Variants in DLG2 observed in about 807,000 individuals in gnomAD.
DLG2 encodes discs large MAGUK scaffold protein 2.
A neutral mutation model predicts 132.5 loss-of-function variants in DLG2; 45 were observed. That is an observed-to-expected ratio of 0.34 (90% confidence interval 0.27 to 0.44). The LOEUF (loss-of-function observed/expected upper bound fraction) is 0.44, where lower values mean the gene tolerates loss of function less well. DLG2 is among the 20% of genes least tolerant of loss of function. DLG2 has a pLI of 1.00. For synonymous variants in DLG2, 424 were observed against 419.6 expected, an observed-to-expected ratio of 1.01 and a Z score of -0.13; for missense variants, 1,045 against 1,196.9, an observed-to-expected ratio of 0.87 and a Z score of 1.87.
intron 15 of DLG2, among the ~76,000 whole-genome samples, chr11:83,899,782 C>T (rs1022859720): frequency 3.3e-5 from 5 of 152,112 alleles, no homozygotes; most frequent in African/African-American, 9.7e-5. Context: ...TGAACTAATA[C>T]AGCAAATTGG....
chr11:84,560,836 G>C (rs1368968086), intron 6 of DLG2, among the ~76,000 whole-genome samples: 1 of 151,992 alleles, frequency 6.6e-6, no homozygotes, highest in Non-Finnish European at 1.5e-5. Context: ...CTAATAAATT[G>C]ATATTTTGGA....
chr11:84,616,977 C>A (rs10160778), intron 6 of DLG2, among the ~76,000 whole-genome samples: 21,276 of 149,618 alleles, frequency 0.14, 1,737 homozygotes, highest in African/African-American at 0.23. Flanking sequence ...CTCCTCTCTT[C>A]CCTTTCTTTT....
intron 9 of DLG2, among the ~76,000 whole-genome samples, chr11:84,149,955 A>T (rs1314230546): frequency 6.6e-6 from 1 of 152,012 alleles, no homozygotes; most frequent in Admixed American, 6.6e-5. Flanking sequence ...ATGGGGTTTC[A>T]CTATATTGGT....
chr11:84,112,928 A>G (rs1037647197), intron 9 of DLG2, among the ~76,000 whole-genome samples: 1 of 152,222 alleles, frequency 6.6e-6, no homozygotes, highest in Non-Finnish European at 1.5e-5. Flanking sequence ...CTTCACCAGA[A>G]CAAACGGAAC....
At chr11:84,550,943 C>T (rs1013861994) in intron 6 of DLG2, among the ~76,000 whole-genome samples, 1 of 152,126 alleles carries the variant, frequency 6.6e-6, no homozygotes. Flanking sequence ...CAGTTATGAA[C>T]AGCTGTCCTT....
At chr11:84,736,083 A>C (rs2063792393) in intron 6 of DLG2, among the ~76,000 whole-genome samples, 1 of 151,900 alleles carries the variant, frequency 6.6e-6, no homozygotes, top group African/African-American at 2.4e-5. Context: ...ATATGATATG[A>C]GGTATGGATC....
intron 6 of DLG2, among the ~76,000 whole-genome samples, chr11:84,952,826 C>G (rs2051140437): frequency 6.6e-6 from 1 of 152,162 alleles, no homozygotes; most frequent in Admixed American, 6.5e-5. Flanking sequence ...AACCCAATAC[C>G]AATTCAGACC....
chr11:84,228,123 C>G (rs1461821684), intron 8 of DLG2, among the ~76,000 whole-genome samples: 2 of 152,120 alleles, frequency 1.3e-5, no homozygotes, highest in African/African-American at 2.4e-5. Flanking sequence ...ACATGATGGA[C>G]TCTCTTATTT....
intron 5 of DLG2, among the ~76,000 whole-genome samples, chr11:85,123,593 T>C (rs2074702987): frequency 6.6e-6 from 1 of 152,236 alleles, no homozygotes; most frequent in Admixed American, 6.5e-5. Context: ...GTAGGAGAAC[T>C]GTTTATGCTT....
intron 6 of DLG2, among the ~76,000 whole-genome samples, chr11:84,711,009 G>GATATATATATAT (rs367922564): frequency 7.9e-5 from 7 of 89,092 alleles, no homozygotes; most frequent in African/African-American, 3.3e-4. Context: ...TATATATATA[G>GATATATATATAT]ATATATATAT....
At chr11:85,264,624 C>G (rs908798244) in intron 4 of DLG2, among the ~76,000 whole-genome samples, 2 of 151,990 alleles carry the variant, frequency 1.3e-5, no homozygotes, top group African/African-American at 4.8e-5. Flanking sequence ...GAATGGGGTA[C>G]CATTTTACCT....
chr11:84,984,287 C>T (rs1328493899), intron 6 of DLG2, among the ~76,000 whole-genome samples: 1 of 152,138 alleles, frequency 6.6e-6, no homozygotes, highest in African/African-American at 2.4e-5. Context: ...GATTTCTATG[C>T]AGAAACTCTA....
chr11:83,648,843 G>A (rs187016119), intron 18 of DLG2, among the ~76,000 whole-genome samples: 1 of 152,226 alleles, frequency 6.6e-6, no homozygotes, highest in East Asian at 1.9e-4. Flanking sequence ...CAGGGTGGAA[G>A]GTGCACAGGA....
chr11:84,647,217 G>A (rs1009300336), intron 6 of DLG2, among the ~76,000 whole-genome samples: 5 of 152,208 alleles, frequency 3.3e-5, no homozygotes, highest in South Asian at 2.1e-4. Context: ...AGAAAGGTAC[G>A]TACAATTATG....
intron 7 of DLG2, among the ~76,000 whole-genome samples, chr11:84,314,136 G>A (rs539302049): frequency 4.6e-5 from 7 of 152,296 alleles, no homozygotes; most frequent in East Asian, 1.9e-4. Context: ...TGAGTTCCAC[G>A]TAATACTGCA....
At chr11:83,944,910 C>T (rs1450205405) in intron 14 of DLG2, among the ~76,000 whole-genome samples, 1 of 152,138 alleles carries the variant, frequency 6.6e-6, no homozygotes, top group Admixed American at 6.5e-5. Context: ...CTTTTGTCTC[C>T]TTAAGAAATA....
At chr11:84,862,339 T>G (rs1477747932) in intron 6 of DLG2, among the ~76,000 whole-genome samples, 1 of 152,134 alleles carries the variant, frequency 6.6e-6, no homozygotes, top group Non-Finnish European at 1.5e-5. Context: ...GGAGAGGATG[T>G]GGAGAAATAG....
At chr11:85,490,831 A>G (rs542574279) in intron 3 of DLG2, among the ~76,000 whole-genome samples, 10 of 152,222 alleles carry the variant, frequency 6.6e-5, no homozygotes, top group Admixed American at 3.9e-4. Flanking sequence ...ACAAAGATGA[A>G]TTGTACCAAA....
intron 25 of DLG2, among the ~76,000 whole-genome samples, chr11:83,467,603 C>T (rs1169896249): frequency 6.6e-6 from 1 of 151,146 alleles, no homozygotes; most frequent in Non-Finnish European, 1.5e-5. Context: ...CCAAAAAGTT[C>T]ACCAGGCATG....
Sources: allele counts gnomAD v4.1 joint callset (sites outside exome capture counted in the v4.1 genomes callset), GRCh38; gene constraint gnomAD v4.1.1; transcripts MANE v1.5; gene names NCBI Gene and HGNC (gene_info 2026-07-23, HGNC 2026-07-21).